Variants in THBS2 observed in about 807,000 individuals in gnomAD.
THBS2 encodes thrombospondin 2.
Under a neutral mutation model 135.2 loss-of-function variants are expected in THBS2, and 47 were observed. The ratio of observed to expected loss-of-function variants is 0.35; its 90% CI spans 0.28 to 0.44. THBS2 has a LOEUF of 0.44. Among genes scored for constraint, THBS2 ranks in the 20% least tolerant of loss-of-function variants. The pLI, the probability that THBS2 is intolerant of heterozygous loss-of-function variation, is 1.00. For synonymous variants in THBS2, 639 were observed against 633.8 expected, an observed-to-expected ratio of 1.01 and a Z score of -0.12; for missense variants, 1,288 against 1,603.1, an observed-to-expected ratio of 0.80 and a Z score of 3.36.
At position 169,237,666 on chromosome 6, in the gene THBS2, A is replaced by C. The variant is rs751284336; in HGVS notation, c.1259T>G (p.Ile420Ser). ...VTSNTCLGPS[I>S]QTRACSLSKC... Reference sequence around the variant, plus strand: ...GCTCAGACTGCAAGCCCGTGTCTGGATGGAGGGCCCCAAGCAGGTGTTGCT... The same window carrying C: ...GCTCAGACTGCAAGCCCGTGTCTGGCTGGAGGGCCCCAAGCAGGTGTTGCT... The change falls in exon 8 of 22, where the codon ATC becomes AGC. Residue 420 changes from isoleucine to serine, a missense_variant. By Grantham distance (142) the Ile-to-Ser change is moderately radical. Transcript: ENST00000617924. 6.2e-7 allele frequency: 1 copy of C among 1,613,034 alleles called. No homozygotes were observed. The highest frequency in any genetic ancestry group is 1.7e-5 in the Admixed American group (1 of 60,024).
At chr6:169,244,897 C>A (rs577255723) in intron 4 of THBS2, among the ~76,000 whole-genome samples, 155 of 152,326 alleles carry the variant, frequency 1.0e-3, no homozygotes, top group African/African-American at 3.6e-3. Flanking sequence ...GATCAAATGT[C>A]TCCTTGTTCT....
In THBS2 at chr6:169,248,453, G is replaced by A. The variant is rs1170275982; in HGVS notation, c.573C>T (p.Tyr191=). The change falls in exon 3 of 22, where the codon TAC becomes TAT. Residue 191 remains tyrosine, a synonymous_variant. Coordinates refer to ENST00000617924, the MANE Select transcript of THBS2 (RefSeq NM_003247.5). ...TCTCTCTGGCAGAGCCTTTGGCCAC[G>A]TACATCCGGCTCTTTTCCGCCTGCA... is the stretch of plus-strand genomic sequence containing the variant. ...EHLQAEKSRM[Y]VAKGSARESH... is the part of the protein sequence containing the mutation. 4 of 1,611,718 alleles carry A rather than the reference G, an allele frequency of 2.5e-6. No individual in the cohort carries two copies. The highest frequency in any genetic ancestry group is 1.3e-5 in the African/African-American group (1 of 75,008).
intron 1 of THBS2, among the ~76,000 whole-genome samples, chr6:169,253,287 AGT>A (rs1780813240): frequency 6.6e-6 from 1 of 152,202 alleles, no homozygotes; most frequent in Admixed American, 6.5e-5. Context: ...TAACAATCAG[AGT>A]CTCTCTCTAA....
At chr6:169,240,257 A>C (rs1483139792) in intron 6 of THBS2, among the ~76,000 whole-genome samples, 195 bp downstream of exon 6, 1 of 152,152 alleles carries the variant, frequency 6.6e-6, no homozygotes, top group Non-Finnish European at 1.5e-5. Flanking sequence ...CTGGTTCTTT[A>C]TGTGCAAACA....
At chr6:169,243,891 C>T (rs7382420) in intron 4 of THBS2, among the ~76,000 whole-genome samples, 61,910 of 152,084 alleles carry the variant, frequency 0.41, 13,417 homozygotes, top group East Asian at 0.64. Flanking sequence ...GTTACTCTCA[C>T]TTTTAACAAA....
intron 3 of THBS2, among the ~76,000 whole-genome samples, chr6:169,247,814 A>C (rs565616866): frequency 6.8e-6 from 1 of 147,764 alleles, no homozygotes; most frequent in African/African-American, 2.5e-5. Flanking sequence ...GAGTGCATGC[A>C]TGGTGTTTAT....
chr6:169,252,974 A>G lies in THBS2; in HGVS notation c.-23+750T>C, dbSNP rs1583424821. Among the ~76,000 whole-genome samples, 1 of 152,204 alleles carries G rather than the reference A, an allele frequency of 6.6e-6. No individual in the cohort carries two copies. Among genetic ancestry groups the G allele is most frequent in the African/African-American group, 2.4e-5 (1 of 41,458 alleles). The stretch of plus-strand genomic sequence containing the variant: ...CCAGACTCCTGGGTGCTCAGCTCCC[A>G]GTCCTGGGCAGCCAAACCCACCTTC... On this transcript the variant is annotated intron_variant, in intron 1 of 21. Transcript: ENST00000617924. The surrounding 1 kb of genome is among the most constrained non-coding windows in gnomAD (Gnocchi z 4.3).
Position 169,248,585 on chromosome 6 carries a change from C to G in THBS2, c.441G>C (p.Ser147=). 6.2e-7 allele frequency: 1 copy of G among 1,614,028 alleles called. No individual in the cohort carries two copies. Among genetic ancestry groups the G allele is most frequent in the Non-Finnish European group, 8.5e-7 (1 of 1,180,044 alleles). The change falls in exon 3 of 22, where the codon TCG becomes TCC. Residue 147 remains serine (S), a synonymous_variant. Transcript: ENST00000617924. ...VSLEDVGLAD[S]QWKNVTVQVA... ...CCTGCACGGTGACGTTCTTCCACTG[C>G]GAGTCAGCCAGGCCGACGTCCTCCA...
chr6:169,232,145 G>C lies in THBS2; in HGVS notation c.1986C>G (p.His662Gln). 5 of 1,614,074 alleles carry C rather than the reference G, an allele frequency of 3.1e-6. No individual in the cohort carries two copies. Among genetic ancestry groups the C allele is most frequent in the Non-Finnish European group, 3.4e-6 (4 of 1,179,976 alleles). ...AGTGGCCCAGGTAGATGCACTCCGC[G>C]TGCTTGTGGCAGTTGTGTGTCTTGT... Reference protein sequence around the residue: ...CKDKTHNCHKHAECIYLGHFS... With the variant: ...CKDKTHNCHKQAECIYLGHFS... The change falls in exon 13 of 22, where the codon CAC (histidine) becomes CAG (glutamine). Residue 662 changes from histidine to glutamine, a missense_variant. This residue lies in a region of THBS2 where 874 missense variants were observed against 1,156.1 expected (regional missense o/e 0.76). Transcript: ENST00000617924.
Position 169,222,315 on chromosome 6 carries a change from T to G in THBS2, c.3155A>C (p.Asp1052Ala). 1 of 1,613,506 alleles carries G rather than the reference T, an allele frequency of 6.2e-7. No individual in the cohort carries two copies. Among genetic ancestry groups the G allele is most frequent in the Non-Finnish European group, 8.5e-7 (1 of 1,180,036 alleles). ...GTAGCCATAGGCCCGCGTGGGCTGG[T>G]CCTCCCAGTAGGTCTGCGTCACCTG... Reference protein sequence around the residue: ...WKQVTQTYWEDQPTRAYGYSG... With the variant: ...WKQVTQTYWEAQPTRAYGYSG... Residue 1052 changes from aspartate (D) to alanine (A), a missense_variant, in exon 19 of 22, where the codon GAC becomes GCC. Coordinates refer to ENST00000617924, the MANE Select transcript of THBS2 (RefSeq NM_003247.5).
In THBS2 at chr6:169,228,106, G is replaced by A; in HGVS notation, c.2419+16C>T. The A allele has an allele frequency of 3.1e-6, 5 of 1,600,138 alleles. No homozygotes were observed. Among genetic ancestry groups the A allele is most frequent in the African/African-American group, 1.4e-5 (1 of 74,066 alleles). ...AAAAAAAAAGTGCACGCATGGGAAG[G>A]AGCAGAAGCACCCACCGTCCCCATC... On this transcript the variant is annotated intron_variant, in intron 15 of 21. Coordinates refer to ENST00000617924, the MANE Select transcript of THBS2 (RefSeq NM_003247.5).
chr6:169,221,336 A>G (rs556163838), intron 20 of THBS2, 94 bp downstream of exon 20: 1 of 1,135,280 alleles, frequency 8.8e-7, no homozygotes, highest in African/African-American at 1.5e-5. Flanking sequence ...AAAAAGTTAG[A>G]ATTCACTTGA....
At chr6:169,226,330 A>G (rs780036019) in intron 15 of THBS2, 32 bp from the exon 16 acceptor site, 1 of 1,549,964 alleles carries the variant, frequency 6.5e-7, no homozygotes, top group Admixed American at 1.7e-5. Flanking sequence ...AGAAAACAAA[A>G]ACAAACCAGA....
Position 169,241,982 on chromosome 6 carries a change from G to T in THBS2, c.695-24C>A, listed in dbSNP as rs754591123. ...AGCTGAGGGCAAGCGTAGAAGGGCC[G>T]TGAGCATCACAGAGGACGGGGCCAG... On this transcript the variant is annotated intron_variant, in intron 4 of 21. Transcript: ENST00000617924. The surrounding 1 kb of genome is among the most constrained non-coding windows in gnomAD (Gnocchi z 5.5). The T allele has an allele frequency of 6.3e-7, 1 of 1,591,734 alleles. No individual in the cohort carries two copies. Among genetic ancestry groups the T allele is most frequent in the African/African-American group, 1.3e-5 (1 of 74,758 alleles).
At chr6:169,237,865 C>T (rs1780158363) in intron 7 of THBS2, 70 bp from the exon 8 acceptor site, 3 of 1,524,170 alleles carry the variant, frequency 2.0e-6, no homozygotes, top group Admixed American at 2.0e-5. Context: ...AGAACGGGCA[C>T]AGGGCAGCTG....
chr6:169,230,348 C>G (rs1399133867), intron 13 of THBS2, among the ~76,000 whole-genome samples: 1 of 152,048 alleles, frequency 6.6e-6, no homozygotes, highest in Admixed American at 6.5e-5. Flanking sequence ...AGTTTCAGTA[C>G]AAGAGCCCCA....
chr6:169,224,703 C>T (rs1444198844), intron 17 of THBS2, among the ~76,000 whole-genome samples: 1 of 152,230 alleles, frequency 6.6e-6, no homozygotes, highest in Non-Finnish European at 1.5e-5. Context: ...TTCATGCTCA[C>T]TGCTGAGCAA....
chr6:169,244,313 A>AACACACACACACACACACAC (rs35075375), intron 4 of THBS2, among the ~76,000 whole-genome samples: 1 of 147,210 alleles, frequency 6.8e-6, no homozygotes, highest in African/African-American at 2.5e-5. Flanking sequence ...GTATGCTGGT[A>AACACACACACACACACACAC]ACACACACAC....
intron 4 of THBS2, among the ~76,000 whole-genome samples, chr6:169,242,613 C>T (rs1218790495): frequency 1.2e-5 from 1 of 81,760 alleles, no homozygotes; most frequent in East Asian, 3.9e-4. Flanking sequence ...CCCACCTTCC[C>T]ACCGCTCCCA....
Sources: gnomAD v4.1 joint callset for allele counts (sites outside exome capture counted in the v4.1 genomes callset) on GRCh38, gnomAD v4.1.1 for gene constraint, gnomAD v4.1.1 regional missense constraint, Gnocchi (gnomAD v3.1) non-coding constraint, MANE v1.5 for transcripts, NCBI Gene and HGNC (gene_info 2026-07-23, HGNC 2026-07-21) for gene names.